Variants in B4GALT5 observed in about 807,000 individuals in gnomAD.
B4GALT5 encodes UDP-Gal:beta-GlcNAc beta-1,4-galactosyltransferase 5.
Under a neutral mutation model 45.0 loss-of-function variants are expected in B4GALT5, and 11 were observed. That is an observed-to-expected ratio of 0.24 (90% confidence interval 0.15 to 0.40). The LOEUF (loss-of-function observed/expected upper bound fraction) is 0.40. Among genes scored for constraint, B4GALT5 ranks in the 10% least tolerant of loss-of-function variants. B4GALT5 has a pLI of 1.00. For synonymous variants in B4GALT5, 185 were observed against 182.9 expected (o/e 1.01, Z -0.09); for missense variants, 337 against 500.2 (o/e 0.67, Z 3.11).
chr20:49,664,929 A>C (rs1387841484), intron 1 of B4GALT5, among the ~76,000 whole-genome samples: 1 of 152,164 alleles, frequency 6.6e-6, no homozygotes, highest in Non-Finnish European at 1.5e-5. Flanking sequence ...GCATATATTT[A>C]TTGTACTATT....
chr20:49,678,901 G>C (rs763800638), intron 1 of B4GALT5, among the ~76,000 whole-genome samples: 29 of 152,226 alleles, frequency 1.9e-4, no homozygotes, highest in Non-Finnish European at 3.2e-4. Context: ...ATGGGGGCTG[G>C]GGGGAATCCC....
rs529498814 is a variant in B4GALT5 at position 49,666,176 on chromosome 20, G to A, written c.116-9474C>T. On this transcript the variant is annotated intron_variant, in intron 1 of 8. Transcript: ENST00000371711. The stretch of plus-strand genomic sequence containing the variant: ...CTAAATTCTTAGATGAACTAAATAA[G>A]ATTCTGTGTGTAGAATCCCCCAGGT... Among the ~76,000 whole-genome samples, 6 of 152,276 alleles carry A rather than the reference G, an allele frequency of 3.9e-5. No individual in the cohort carries two copies. In the East Asian group the frequency reaches 1.2e-3, roughly 29 times the overall value.
chr20:49,682,173 C>T (rs959037048), intron 1 of B4GALT5, among the ~76,000 whole-genome samples: 2 of 152,198 alleles, frequency 1.3e-5, no homozygotes, highest in Non-Finnish European at 2.9e-5. Context: ...TGGACAATGG[C>T]TTACACTAAA....
chr20:49,666,339 G>C (rs900261960), intron 1 of B4GALT5, among the ~76,000 whole-genome samples: 1 of 152,186 alleles, frequency 6.6e-6, no homozygotes, highest in Non-Finnish European at 1.5e-5. Flanking sequence ...CAACTGACCA[G>C]AGCCAGAAAG....
intron 1 of B4GALT5, among the ~76,000 whole-genome samples, chr20:49,672,116 T>TAC (rs1174236514): frequency 2.0e-5 from 3 of 152,224 alleles, no homozygotes; most frequent in Middle Eastern, 3.2e-3. Flanking sequence ...TTCTTCCACA[T>TAC]ACTGTTCTTT....
At chr20:49,638,318 T>A (rs2085562449) in intron 7 of B4GALT5, among the ~76,000 whole-genome samples, 1 of 152,196 alleles carries the variant, frequency 6.6e-6, no homozygotes, top group East Asian at 1.9e-4. Context: ...GTGCTCAGCC[T>A]ATCATTTGAA....
At chr20:49,681,279 G>A (rs948984657) in intron 1 of B4GALT5, among the ~76,000 whole-genome samples, 3 of 150,254 alleles carry the variant, frequency 2.0e-5, no homozygotes, top group East Asian at 2.0e-4. Context: ...AAACTTAGCC[G>A]GAAGGACACT....
At position 49,699,780 on chromosome 20, in the gene B4GALT5, T is replaced by TG. The variant is rs1415194606; in HGVS notation, c.115+13795_115+13796insC. 1.3e-4 allele frequency among the ~76,000 whole-genome samples: 20 copies of TG among 152,284 alleles called. No individual in the cohort carries two copies. The South Asian group carries it at 4.1e-3, about 32-fold the overall frequency. On this transcript the variant is annotated intron_variant, in intron 1 of 8. Transcript: ENST00000371711. ...AGGAAATTCCTTGTGGACCTCAACATCCTTACCCTACAACCACTCTGCTGA... is the reference window on the plus strand; with the variant it reads ...AGGAAATTCCTTGTGGACCTCAACATGCCTTACCCTACAACCACTCTGCTGA...
At position 49,640,424 on chromosome 20, in the gene B4GALT5, C is replaced by T. The variant is rs143227970; in HGVS notation, c.794+54G>A. 5.2e-4 allele frequency: 753 copies of T among 1,453,752 alleles called. 2 individuals are homozygous for T. The African/African-American group carries it at 7.9e-3, about 15-fold the overall frequency. 90.1% of individuals were successfully genotyped at this position (1,453,752 alleles called of 1,614,324 possible). ...AGCTAATTAGATTTCCTTTTCACAT[C>T]GCTCACCATCCTTTCAGATTTAACC... On this transcript the variant is annotated intron_variant, in intron 6 of 8. Coordinates refer to ENST00000371711, the MANE Select transcript of B4GALT5 (RefSeq NM_004776.4).
Position 49,658,016 on chromosome 20 carries a change from C to T in B4GALT5, c.116-1314G>A, listed in dbSNP as rs569853753. 8.7e-4 allele frequency among the ~76,000 whole-genome samples: 133 copies of T among 152,194 alleles called. 2 individuals are homozygous for T. The South Asian group carries it at 0.025, about 29-fold the overall frequency. On this transcript the variant is annotated intron_variant, in intron 1 of 8. Transcript: ENST00000371711. The stretch of plus-strand genomic sequence containing the variant: ...TTTCAAATCATCTCTTAAGGTATAT[C>T]CCAAGCCATAAAATAATAAGCAAAA...
rs1466510747 is a variant in B4GALT5, at chr20:49,635,828, A to G, written c.*484T>C. 1 of 153,464 alleles carries G rather than the reference A, an allele frequency of 6.5e-6. No individual in the cohort carries two copies. Among genetic ancestry groups the G allele is most frequent in the Admixed American group, 6.5e-5 (1 of 15,412 alleles). 9.5% of individuals were successfully genotyped at this position (153,464 alleles called of 1,614,324 possible). On this transcript the variant is annotated 3_prime_UTR_variant, in exon 9 of 9. Transcript: ENST00000371711. ...AAAAAATGAAACCAAAGAGAACACCAGAGATCTAGAAGAATGGTGTGGAGT... is the reference window on the plus strand; with the variant it reads ...AAAAAATGAAACCAAAGAGAACACCGGAGATCTAGAAGAATGGTGTGGAGT...
rs150886243 is a variant in B4GALT5 at position 49,647,904 on chromosome 20, A to G, written c.251-826T>C. Among the ~76,000 whole-genome samples, 539 of 152,212 alleles carry G rather than the reference A, an allele frequency of 3.5e-3. 2 individuals are homozygous for G. Among genetic ancestry groups the G allele is most frequent in the African/African-American group, 0.012 (514 of 41,526 alleles). On this transcript the variant is annotated intron_variant, in intron 2 of 8. Coordinates refer to ENST00000371711, the MANE Select transcript of B4GALT5 (RefSeq NM_004776.4). ...TCTGTGCTGCCTTTCTGGAGAATAC[A>G]GAACAGGAGTTGGATGTGAGACCTC...
At chr20:49,636,496 G>C in intron 8 of B4GALT5, 37 bp from the exon 9 acceptor site, 1 of 1,610,748 alleles carries the variant, frequency 6.2e-7, no homozygotes, top group Non-Finnish European at 8.5e-7. Flanking sequence ...GTGGCTCTGA[G>C]TGAGGATCCA....
At chr20:49,642,430 A>G (rs774856961) in intron 5 of B4GALT5, 38 bp downstream of exon 5, 1 of 1,479,042 alleles carries the variant, frequency 6.8e-7, no homozygotes, top group Non-Finnish European at 9.4e-7. Context: ...CTGCTGTCTC[A>G]GAAGAGAAAA....
chr20:49,660,848 G>A (rs1346263055), intron 1 of B4GALT5, among the ~76,000 whole-genome samples: 2 of 152,196 alleles, frequency 1.3e-5, no homozygotes, highest in African/African-American at 2.4e-5. Context: ...AATACTAGCC[G>A]AGTGTGGTAG....
intron 2 of B4GALT5, among the ~76,000 whole-genome samples, chr20:49,654,382 C>T (rs1313720475): frequency 6.6e-6 from 1 of 152,204 alleles, no homozygotes; most frequent in African/African-American, 2.4e-5. Flanking sequence ...AAGACGGAAA[C>T]TGCAGGGTTT....
intron 1 of B4GALT5, among the ~76,000 whole-genome samples, chr20:49,678,049 G>C (rs1198118116): frequency 6.6e-6 from 1 of 152,222 alleles, no homozygotes; most frequent in Non-Finnish European, 1.5e-5. Context: ...CGCCCAGCCT[G>C]AAATATCTTT....
rs192446603 is a variant in B4GALT5 at position 49,690,258 on chromosome 20, C to T, written c.115+23318G>A. Reference sequence around the variant, plus strand: ...TGACCTCAAGTGATCTACCTACTTCCGCCTCCCAAAGTGCGGGGATTACAG... The same window carrying T: ...TGACCTCAAGTGATCTACCTACTTCTGCCTCCCAAAGTGCGGGGATTACAG... On this transcript the variant is annotated intron_variant, in intron 1 of 8. Transcript: ENST00000371711. Among the ~76,000 whole-genome samples the T allele has an allele frequency of 7.9e-5, 12 of 152,250 alleles. No homozygotes were observed. In the East Asian group the frequency reaches 1.4e-3, roughly 17 times the overall value.
intron 6 of B4GALT5, 132 bp from the exon 7 acceptor site, chr20:49,639,932 A>T: frequency 7.9e-7 from 1 of 1,268,374 alleles, no homozygotes; most frequent in Non-Finnish European, 1.1e-6. Context: ...GTATCAAATT[A>T]GCAAAATTAA....
Sources: gnomAD v4.1 joint callset for allele counts (sites outside exome capture counted in the v4.1 genomes callset) on GRCh38, gnomAD v4.1.1 for gene constraint, MANE v1.5 for transcripts, NCBI Gene and HGNC (gene_info 2026-07-23, HGNC 2026-07-21) for gene names.